The following CLEC4E variants were observed in gnomAD, a reference collection of about 807,000 sequenced individuals.
The protein encoded by CLEC4E is C-type lectin domain family 4 member E.
Under a neutral mutation model 24.7 loss-of-function variants are expected in CLEC4E, and 21 were observed. The observed-to-expected ratio is 0.85, with a 90% CI of 0.60 to 1.22. The LOEUF (loss-of-function observed/expected upper bound fraction) is 1.22, where lower values mean the gene tolerates loss of function less well. Among genes scored for constraint, CLEC4E ranks in the 50% most tolerant of loss-of-function variants. CLEC4E has a pLI of 0.00. For synonymous variants in CLEC4E, 94 were observed against 85.7 expected, an observed-to-expected ratio of 1.10 and a Z score of -0.54; for missense variants, 249 against 254.1, an observed-to-expected ratio of 0.98 and a Z score of 0.14.
intron 2 of CLEC4E, 88 bp downstream of exon 2, chr12:8,539,767 G>A (rs1444381550): frequency 1.5e-5 from 12 of 826,660 alleles, no homozygotes; most frequent in Non-Finnish European, 2.3e-5. Context: ...ACCCTTTGAG[G>A]GCAAAGAGAG....
At chr12:8,540,737 G>A (rs4620776) in intron 1 of CLEC4E, 24 bp downstream of exon 1, 1,185,977 of 1,590,680 alleles carry the variant, frequency 0.75, 443,844 homozygotes, top group African/African-American at 0.83. Flanking sequence ...TCTATGGAAG[G>A]AAAGGAAGAG....
chr12:8,535,931 C>T (rs1303120866), intron 5 of CLEC4E, among the ~76,000 whole-genome samples, 159 bp downstream of exon 5: 8 of 152,144 alleles, frequency 5.3e-5, no homozygotes, highest in Non-Finnish European at 2.9e-5. Context: ...TGAGACAATT[C>T]CAGGAAAGGA....
chr12:8,539,971 T>C lies in CLEC4E; in HGVS notation c.38-24A>G, dbSNP rs200497205. On this transcript the variant is annotated intron_variant, in intron 1 of 5. Coordinates refer to ENST00000299663, the MANE Select transcript of CLEC4E (RefSeq NM_014358.4). ...CTCTGTAGAAAGAAAGACACAAACA[T>C]GATCAATCTTCCCTAAGCAAGGTAC... is the stretch of plus-strand genomic sequence containing the variant. 1,166 of 1,384,070 alleles carry C rather than the reference T, an allele frequency of 8.4e-4. 2 individuals are homozygous for C. Among genetic ancestry groups the C allele is most frequent in the Non-Finnish European group, 1.1e-3 (1,048 of 970,764 alleles). 85.7% of individuals were successfully genotyped at this position (1,384,070 alleles called of 1,614,324 possible).
At chr12:8,538,231 T>A (rs1056888889) in intron 3 of CLEC4E, among the ~76,000 whole-genome samples, 2 of 152,264 alleles carry the variant, frequency 1.3e-5, no homozygotes, top group Non-Finnish European at 2.9e-5. Flanking sequence ...ACCGTCTCCC[T>A]GTGATGCTGT....
intron 2 of CLEC4E, 21 bp from the exon 3 acceptor site, chr12:8,539,327 T>C (rs1405723229): frequency 1.3e-6 from 2 of 1,499,332 alleles, no homozygotes; most frequent in Non-Finnish European, 1.8e-6. Flanking sequence ...AAGGGCATAA[T>C]GTTTGTTAGT....
At chr12:8,538,854 A>G in intron 3 of CLEC4E, 2 of 305,262 alleles carry the variant, frequency 6.6e-6, no homozygotes, top group East Asian at 5.3e-5. Context: ...CAACAGGATG[A>G]CATAGAAGAG....
intron 4 of CLEC4E, among the ~76,000 whole-genome samples, chr12:8,536,466 G>C (rs982385457): frequency 6.6e-6 from 1 of 152,106 alleles, no homozygotes; most frequent in African/African-American, 2.4e-5. Flanking sequence ...GCTGAGGCAG[G>C]AGAATCGCTT....
rs1591725210 is a variant in CLEC4E, at chr12:8,537,245, G to A, written c.242C>T (p.Pro81Leu). 1 of 1,613,534 alleles carries A rather than the reference G, an allele frequency of 6.2e-7. No homozygotes were observed. The highest frequency in any genetic ancestry group is 8.5e-7 in the Non-Finnish European group (1 of 1,179,628). Residue 81 changes from proline to leucine, a missense_variant, in exon 4 of 6, where the codon CCA becomes CTA. Coordinates refer to ENST00000299663, the MANE Select transcript of CLEC4E (RefSeq NM_014358.4). The stretch of plus-strand genomic sequence containing the variant: ...GGATTGAAAATATTCCCAGTTCAAT[G>A]GACAACAATTCTTGACTGAACCTAG... ...YGSGSVKNCC[P>L]LNWEYFQSSC... is the part of the protein sequence containing the mutation.
chr12:8,537,244 T>C lies in CLEC4E; in HGVS notation c.243A>G (p.Pro81=), dbSNP rs767465246. ...TGGATTGAAAATATTCCCAGTTCAA[T>C]GGACAACAATTCTTGACTGAACCTA... The part of the protein sequence containing the change: ...YGSGSVKNCC[P]LNWEYFQSSC... Residue 81 remains proline (P), a synonymous_variant, in exon 4 of 6, where the codon CCA becomes CCG. Transcript: ENST00000299663. 2.5e-6 allele frequency: 4 copies of C among 1,613,610 alleles called. No homozygotes were observed. The highest frequency in any genetic ancestry group is 1.7e-5 in the Admixed American group (1 of 59,984).
chr12:8,540,007 G>A, intron 1 of CLEC4E, 60 bp from the exon 2 acceptor site: 1 of 1,052,754 alleles, frequency 9.5e-7, no homozygotes. Flanking sequence ...AAAAGAGATA[G>A]AAGAGATTCT....
At position 8,536,187 on chromosome 12, in the gene CLEC4E, T is replaced by C. The variant is rs1454191585; in HGVS notation, c.391A>G (p.Lys131Glu). 1 of 1,607,972 alleles carries C rather than the reference T, an allele frequency of 6.2e-7. No individual in the cohort carries two copies. Among genetic ancestry groups the C allele is most frequent in the African/African-American group, 1.3e-5 (1 of 74,772 alleles). ...QEEQEFLSYK[K>E]PKMREFFIGL... ...ATAAAAAACTCTCTCATTTTAGGTT[T>C]CTTGTAGGAAAGGAATTCCTATGGA... Residue 131 changes from lysine to glutamate, a missense_variant, in exon 5 of 6, where the codon AAA becomes GAA. Coordinates refer to ENST00000299663, the MANE Select transcript of CLEC4E (RefSeq NM_014358.4).
At chr12:8,537,913 G>C (rs1011762705) in intron 3 of CLEC4E, among the ~76,000 whole-genome samples, 1 of 152,198 alleles carries the variant, frequency 6.6e-6, no homozygotes, top group East Asian at 1.9e-4. Flanking sequence ...ACAGAGCTAC[G>C]AGCTGAGGGG....
rs1482754839 is a variant in CLEC4E at position 8,534,266 on chromosome 12, C to A, written c.*372G>T. 1.8e-5 allele frequency: 3 copies of A among 162,278 alleles called. No homozygotes were observed. Among genetic ancestry groups the A allele is most frequent in the Non-Finnish European group, 4.0e-5 (3 of 74,776 alleles). 10.1% of individuals were successfully genotyped at this position (162,278 alleles called of 1,614,324 possible). A position where few individuals can be genotyped will look rare whatever the true frequency, so the allele number is the denominator to read the frequency against. On this transcript the variant is annotated 3_prime_UTR_variant, in exon 6 of 6. Coordinates refer to ENST00000299663, the MANE Select transcript of CLEC4E (RefSeq NM_014358.4). Reference sequence around the variant, plus strand: ...TGTCAGAAGCTAGAAAGAAGAGGACCTGCTACAGAGCCCGGATTCAGGAGA... The same window carrying A: ...TGTCAGAAGCTAGAAAGAAGAGGACATGCTACAGAGCCCGGATTCAGGAGA...
chr12:8,538,331 G>A (rs560690460), intron 3 of CLEC4E, among the ~76,000 whole-genome samples: 2 of 152,338 alleles, frequency 1.3e-5, no homozygotes, highest in Middle Eastern at 3.4e-3. Context: ...ATTAGCGAAA[G>A]TACTAATAGT....
intron 1 of CLEC4E, 111 bp downstream of exon 1, chr12:8,540,650 C>CCTT: frequency 1.3e-5 from 10 of 777,306 alleles, no homozygotes; most frequent in African/African-American, 5.1e-5. Context: ...TGTCCCCCCA[C>CCTT]TTTTTTTTTT....
At position 8,539,854 on chromosome 12, in the gene CLEC4E, C is replaced by A. The variant is rs1158841469; in HGVS notation, c.130+1G>T. The A allele has an allele frequency of 1.9e-6, 3 of 1,592,268 alleles. No homozygotes were observed. The highest frequency in any genetic ancestry group is 1.3e-5 in the African/African-American group (1 of 74,434). ...AATTGAATTTGACCTTCAGAACCCA[C>A]CAACACATCTGGTGATGAAACAGGC... On this transcript the variant is annotated splice_donor_variant, in intron 2 of 5. Transcript: ENST00000299663. LOFTEE classifies it high-confidence loss of function.
rs779276281 is a variant in CLEC4E at position 8,536,308 on chromosome 12, C to T, written c.373-103G>A. On this transcript the variant is annotated intron_variant, in intron 4 of 5. Coordinates refer to ENST00000299663, the MANE Select transcript of CLEC4E (RefSeq NM_014358.4). ...GGTAAGAATCTGGATGAGATCCTAG[C>T]ACTTTGGGAGGCCGAGGCGGGTGGA... 1.9e-4 allele frequency: 123 copies of T among 642,496 alleles called. 1 individual carries two copies. The highest frequency in any genetic ancestry group is 1.2e-3 in the Middle Eastern group (4 of 3,298). 39.8% of individuals were successfully genotyped at this position (642,496 alleles called of 1,614,324 possible). A position where few individuals can be genotyped will look rare whatever the true frequency, so the allele number is the denominator to read the frequency against.
chr12:8,533,468 G>C lies in CLEC4E; in HGVS notation c.*1170C>G, dbSNP rs1940571941. Reference sequence around the variant, plus strand: ...TCAATCTAAATGTGAGTCAACAATAGATTGGATAGAGAAAATGTGATACAT... The same window carrying C: ...TCAATCTAAATGTGAGTCAACAATACATTGGATAGAGAAAATGTGATACAT... On this transcript the variant is annotated 3_prime_UTR_variant, in exon 6 of 6. Transcript: ENST00000299663. 6.6e-6 allele frequency: 1 copy of C among 152,162 alleles called. No individual in the cohort carries two copies. Among genetic ancestry groups the C allele is most frequent in the African/African-American group, 2.4e-5 (1 of 41,436 alleles). The allele number at this position is 152,162 out of a possible 1,614,324, so 9.4% of individuals were successfully genotyped here. A position where few individuals can be genotyped will look rare whatever the true frequency, so the allele number is the denominator to read the frequency against.
At position 8,540,850 on chromosome 12, in the gene CLEC4E, CCT is replaced by C; in HGVS notation, c.-55_-54del. ...CTCTCTCTCTCTTTTTCTCTCCCTC[CCT>C]CTCTTTCTTTCTCCTCAGGAGTGTT... On this transcript the variant is annotated 5_prime_UTR_variant, in exon 1 of 6. Coordinates refer to ENST00000299663, the MANE Select transcript of CLEC4E (RefSeq NM_014358.4). The C allele has an allele frequency of 8.7e-7, 1 of 1,148,596 alleles. No homozygotes were observed. Among genetic ancestry groups the C allele is most frequent in the Admixed American group, 1.7e-5 (1 of 59,274 alleles). The allele number at this position is 1,148,596 out of a possible 1,614,324, so 71.2% of individuals were successfully genotyped here. A position where few individuals can be genotyped will look rare whatever the true frequency, so the allele number is the denominator to read the frequency against.
Sources: allele counts gnomAD v4.1 joint callset (sites outside exome capture counted in the v4.1 genomes callset), GRCh38; gene constraint gnomAD v4.1.1; transcripts MANE v1.5; gene names NCBI Gene and HGNC (gene_info 2026-07-23, HGNC 2026-07-21).